The following PPP2R5E variants were observed in gnomAD, a reference collection of about 807,000 sequenced individuals.
PPP2R5E encodes the protein serine/threonine-protein phosphatase 2A 56 kDa regulatory subunit epsilon isoform.
Under a neutral mutation model 65.3 loss-of-function variants are expected in PPP2R5E, and 4 were observed. The ratio of observed to expected loss-of-function variants is 0.06; its 90% CI spans 0.03 to 0.14. The LOEUF (loss-of-function observed/expected upper bound fraction) is 0.14. PPP2R5E is among the 10% of genes least tolerant of loss of function. The pLI is 1.00. For synonymous variants in PPP2R5E, 183 were observed against 187.4 expected (o/e 0.98, Z 0.19); for missense variants, 274 against 556.1 (o/e 0.49, Z 5.10).
intron 10 of PPP2R5E, among the ~76,000 whole-genome samples, chr14:63,391,573 G>A (rs1216751530): frequency 1.3e-5 from 2 of 152,080 alleles, no homozygotes; most frequent in East Asian, 1.9e-4. Context: ...ACAGGCATGC[G>A]CCACCACGCC....
intron 2 of PPP2R5E, among the ~76,000 whole-genome samples, chr14:63,454,486 G>A (rs1026060517): frequency 6.6e-6 from 1 of 152,134 alleles, no homozygotes; most frequent in Non-Finnish European, 1.5e-5. Flanking sequence ...GAAAATAAGA[G>A]TAAATGCCAT....
chr14:63,432,943 T>C (rs1009091837), intron 3 of PPP2R5E, among the ~76,000 whole-genome samples: 2 of 151,282 alleles, frequency 1.3e-5, no homozygotes, highest in Admixed American at 6.6e-5. Context: ...AACTAAGTTT[T>C]CATTAAGTAT....
In PPP2R5E at chr14:63,409,146, T is replaced by C. The variant is rs149297902; in HGVS notation, c.549+5994A>G. On this transcript the variant is annotated intron_variant, in intron 5 of 13. Transcript: ENST00000337537. The stretch of plus-strand genomic sequence containing the variant: ...TACTCAGGAGGCCGAGGCAGGAGAA[T>C]TGCTTGAACCCAGGAGGCGGAGGTT... Among the ~76,000 whole-genome samples, 412 of 152,256 alleles carry C rather than the reference T, an allele frequency of 2.7e-3. 1 individual carries two copies. The highest frequency in any genetic ancestry group is 8.9e-3 in the African/African-American group (370 of 41,542).
At chr14:63,524,292 T>A (rs1893091514) in intron 2 of PPP2R5E, among the ~76,000 whole-genome samples, 1 of 152,180 alleles carries the variant, frequency 6.6e-6, no homozygotes, top group Non-Finnish European at 1.5e-5. Flanking sequence ...CTGCATATTC[T>A]GAAACAAGAT....
intron 3 of PPP2R5E, among the ~76,000 whole-genome samples, chr14:63,430,266 C>A (rs1377212027): frequency 6.6e-6 from 1 of 152,078 alleles, no homozygotes; most frequent in Non-Finnish European, 1.5e-5. Flanking sequence ...GTAATCCCAG[C>A]ACTTTGGGAG....
chr14:63,389,571 A>G (rs751916178), intron 11 of PPP2R5E, 41 bp downstream of exon 11: 3 of 1,545,574 alleles, frequency 1.9e-6, no homozygotes, highest in Non-Finnish European at 2.6e-6. Context: ...TTTAACCAAA[A>G]TAACTCATGC....
rs142814760 is a variant in PPP2R5E, at chr14:63,380,352, G to A, written c.1304+1704C>T. Among the ~76,000 whole-genome samples the A allele has an allele frequency of 1.7e-3, 264 of 151,984 alleles. 2 individuals are homozygous for A. The highest frequency in any genetic ancestry group is 6.0e-3 in the African/African-American group (248 of 41,454). On this transcript the variant is annotated intron_variant, in intron 13 of 13. Coordinates refer to ENST00000337537, the MANE Select transcript of PPP2R5E (RefSeq NM_006246.5). ...CATAAATTTATAATTTGCAACAATC[G>A]CTAATATACTGAATTAAAAGTTGTT... is the stretch of plus-strand genomic sequence containing the variant.
intron 2 of PPP2R5E, among the ~76,000 whole-genome samples, chr14:63,503,796 A>G (rs1232733897): frequency 6.6e-6 from 1 of 152,182 alleles, no homozygotes. Context: ...CCCTTATTTA[A>G]GAGGTTCCGA....
chr14:63,430,397 A>ATACATG (rs1566696640), intron 3 of PPP2R5E, among the ~76,000 whole-genome samples: 7 of 137,126 alleles, frequency 5.1e-5, no homozygotes, highest in African/African-American at 1.9e-4. Flanking sequence ...ATACATACAT[A>ATACATG]CATGCATACA....
chr14:63,473,905 G>A (rs747164335), intron 2 of PPP2R5E, among the ~76,000 whole-genome samples: 3 of 152,180 alleles, frequency 2.0e-5, no homozygotes, highest in Non-Finnish European at 4.4e-5. Context: ...GAAGGAACCT[G>A]GATTTAATTC....
chr14:63,488,869 TTAAATA>T (rs971770457), intron 2 of PPP2R5E, among the ~76,000 whole-genome samples: 2 of 151,000 alleles, frequency 1.3e-5, no homozygotes, highest in African/African-American at 2.4e-5. Flanking sequence ...ATTAATTTAA[TTAAATA>T]TAAATATAAA....
chr14:63,428,547 G>A (rs1051959390), intron 3 of PPP2R5E, among the ~76,000 whole-genome samples: 3 of 152,158 alleles, frequency 2.0e-5, no homozygotes, highest in Admixed American at 2.0e-4. Context: ...GAAGGGGCAA[G>A]GTCAAGGACC....
intron 2 of PPP2R5E, among the ~76,000 whole-genome samples, chr14:63,486,171 C>T (rs190498078): frequency 6.6e-6 from 1 of 151,984 alleles, no homozygotes; most frequent in East Asian, 1.9e-4. Flanking sequence ...AAAGGCATTT[C>T]CTCTAAAAAA....
chr14:63,493,520 G>A (rs1267910246), intron 2 of PPP2R5E, among the ~76,000 whole-genome samples: 1 of 151,594 alleles, frequency 6.6e-6, no homozygotes, highest in Non-Finnish European at 1.5e-5. Context: ...GGGAGGGGGA[G>A]GGGAGCAAAA....
intron 2 of PPP2R5E, among the ~76,000 whole-genome samples, chr14:63,494,273 G>A (rs1386463784): frequency 6.6e-6 from 1 of 152,002 alleles, no homozygotes; most frequent in Non-Finnish European, 1.5e-5. Flanking sequence ...TCACTCTGTT[G>A]CCCAGGCTGG....
chr14:63,492,083 A>G (rs1334588618), intron 2 of PPP2R5E, among the ~76,000 whole-genome samples: 1 of 152,076 alleles, frequency 6.6e-6, no homozygotes, highest in Non-Finnish European at 1.5e-5. Context: ...TGTGTTCACA[A>G]AAGAAACCTA....
intron 13 of PPP2R5E, among the ~76,000 whole-genome samples, chr14:63,381,186 T>G (rs943339567): frequency 1.3e-5 from 2 of 152,246 alleles, no homozygotes; most frequent in African/African-American, 2.4e-5. Context: ...AAGCATTTAT[T>G]GCAAAGAGTT....
chr14:63,388,000 G>C (rs1389564579), intron 11 of PPP2R5E, among the ~76,000 whole-genome samples: 2 of 152,120 alleles, frequency 1.3e-5, no homozygotes, highest in African/African-American at 4.8e-5. Flanking sequence ...AGGGCTGTGA[G>C]AAAATAAATG....
chr14:63,405,925 G>A (rs1322230521), intron 5 of PPP2R5E, among the ~76,000 whole-genome samples: 1 of 152,086 alleles, frequency 6.6e-6, no homozygotes, highest in African/African-American at 2.4e-5. Context: ...GCAATGAATG[G>A]ACTATCTTTG....
Sources: allele counts gnomAD v4.1 joint callset (sites outside exome capture counted in the v4.1 genomes callset), GRCh38; gene constraint gnomAD v4.1.1; transcripts MANE v1.5; gene names NCBI Gene and HGNC (gene_info 2026-07-23, HGNC 2026-07-21).